CHRM3: variants seen among roughly 807,000 people sequenced by gnomAD.
CHRM3 encodes cholinergic receptor muscarinic 3.
Under a neutral mutation model 41.8 loss-of-function variants are expected in CHRM3, and 11 were observed. The ratio of observed to expected loss-of-function variants is 0.26; its 90% CI spans 0.17 to 0.44. CHRM3 has a LOEUF of 0.44. Among genes scored for constraint, CHRM3 ranks in the 20% least tolerant of loss-of-function variants. The pLI is 1.00. For missense variants in CHRM3, 571 were observed against 745.4 expected (o/e 0.77, Z 2.72); for synonymous variants, 297 against 301.4 (o/e 0.99, Z 0.15).
At chr1:239,862,329 C>T (rs1675707596) in intron 6 of CHRM3, among the ~76,000 whole-genome samples, 1 of 152,162 alleles carries the variant, frequency 6.6e-6, no homozygotes, top group Non-Finnish European at 1.5e-5. Context: ...ATCCCTGCAG[C>T]TTAACTTCTT....
At chr1:239,645,038 C>G (rs1393605789) in intron 4 of CHRM3, among the ~76,000 whole-genome samples, 1 of 152,216 alleles carries the variant, frequency 6.6e-6, no homozygotes, top group Admixed American at 6.5e-5. Flanking sequence ...GCTCACAGCC[C>G]CTTGTCTGTG....
At chr1:239,508,117 A>G (rs1668691637) in intron 2 of CHRM3, among the ~76,000 whole-genome samples, 1 of 152,212 alleles carries the variant, frequency 6.6e-6, no homozygotes, top group Admixed American at 6.5e-5. Context: ...AATGACTAGT[A>G]ATTATATTCA....
intron 1 of CHRM3, among the ~76,000 whole-genome samples, chr1:239,446,157 G>A (rs763400956): frequency 2.6e-5 from 4 of 152,114 alleles, no homozygotes; most frequent in Admixed American, 6.6e-5. Context: ...GGATGGTCTT[G>A]ATCTCCTGAC....
At chr1:239,864,168 G>A (rs1166541973) in intron 6 of CHRM3, among the ~76,000 whole-genome samples, 1 of 151,818 alleles carries the variant, frequency 6.6e-6, no homozygotes, top group African/African-American at 2.4e-5. Context: ...TAGTCCAGGA[G>A]GCAACATAGC....
chr1:239,619,558 A>T lies in CHRM3; in HGVS notation c.-312-12666A>T, dbSNP rs138234077. ...TTCCAAAGTGTAATTGATGAGAATGATGGCCCAATTATGGAGAGATATTGG... is the reference window on the plus strand; with the variant it reads ...TTCCAAAGTGTAATTGATGAGAATGTTGGCCCAATTATGGAGAGATATTGG... On this transcript the variant is annotated intron_variant, in intron 3 of 6. Coordinates refer to ENST00000676153, the MANE Select transcript of CHRM3 (RefSeq NM_001375978.1). Among the ~76,000 whole-genome samples, 511 of 152,328 alleles carry T rather than the reference A, an allele frequency of 3.4e-3. 3 individuals carry two copies. Among genetic ancestry groups the T allele is most frequent in the Middle Eastern group, 6.8e-3 (2 of 294 alleles).
chr1:239,654,026 A>G (rs1261333121), intron 4 of CHRM3, among the ~76,000 whole-genome samples: 1 of 152,182 alleles, frequency 6.6e-6, no homozygotes, highest in East Asian at 1.9e-4. Flanking sequence ...CAGTGGCACG[A>G]TCACAGCTCT....
chr1:239,618,643 G>C lies in CHRM3; in HGVS notation c.-312-13581G>C, dbSNP rs532268427. Among the ~76,000 whole-genome samples the C allele has an allele frequency of 5.3e-5, 8 of 151,568 alleles. No homozygotes were observed. The Middle Eastern group carries it at 0.01, about 196-fold the overall frequency. On this transcript the variant is annotated intron_variant, in intron 3 of 6. Coordinates refer to ENST00000676153, the MANE Select transcript of CHRM3 (RefSeq NM_001375978.1). The stretch of plus-strand genomic sequence containing the variant: ...TCGGATCACGAGGTCAGGAGATCGA[G>C]ACCATCCTGGCTAACACGGTGAAAC...
chr1:239,613,894 C>T (rs938757080), intron 3 of CHRM3, among the ~76,000 whole-genome samples: 6 of 152,166 alleles, frequency 3.9e-5, no homozygotes, highest in African/African-American at 1.4e-4. Context: ...GTGGCTTACA[C>T]TTGTAATCCC....
rs145738731 is a variant in CHRM3 at position 239,687,957 on chromosome 1, C to T, written c.-147+9669C>T. On this transcript the variant is annotated intron_variant, in intron 5 of 6. Coordinates refer to ENST00000676153, the MANE Select transcript of CHRM3 (RefSeq NM_001375978.1). ...CACATTTCTTAGAACATGTTAATGT[C>T]GCTAAGTGATGCATGGATGTATGTT... Among the ~76,000 whole-genome samples the T allele has an allele frequency of 3.5e-4, 53 of 152,084 alleles. No homozygotes were observed. The East Asian group carries it at 0.01, about 29-fold the overall frequency.
intron 6 of CHRM3, among the ~76,000 whole-genome samples, chr1:239,897,140 T>C (rs1371148480): frequency 6.6e-6 from 1 of 152,136 alleles, no homozygotes; most frequent in Non-Finnish European, 1.5e-5. Flanking sequence ...CTATGGCAGG[T>C]TGTTAGGCGT....
At chr1:239,837,937 G>C (rs1053686353) in intron 6 of CHRM3, among the ~76,000 whole-genome samples, 51 of 152,170 alleles carry the variant, frequency 3.4e-4, no homozygotes, top group African/African-American at 1.2e-3. Context: ...ATTGTAGTTA[G>C]GAAGATAAAT....
rs553347258 is a variant in CHRM3, at chr1:239,639,331, T to C, written c.-250+7045T>C. On this transcript the variant is annotated intron_variant, in intron 4 of 6. Coordinates refer to ENST00000676153, the MANE Select transcript of CHRM3 (RefSeq NM_001375978.1). ...CATTGGTAGCTTGATAGGGATGGCATTGAATCTATAAATTACCTTGGACAG... is the reference window on the plus strand; with the variant it reads ...CATTGGTAGCTTGATAGGGATGGCACTGAATCTATAAATTACCTTGGACAG... Among the ~76,000 whole-genome samples, 5 of 152,352 alleles carry C rather than the reference T, an allele frequency of 3.3e-5. No individual in the cohort carries two copies. The East Asian group carries it at 7.7e-4, about 23-fold the overall frequency.
At chr1:239,527,078 T>G (rs1670043673) in intron 2 of CHRM3, among the ~76,000 whole-genome samples, 1 of 152,112 alleles carries the variant, frequency 6.6e-6, no homozygotes, top group African/African-American at 2.4e-5. Flanking sequence ...TGAGCCATGA[T>G]CACGCCACTG....
In CHRM3 at chr1:239,519,741, C is replaced by CTTTTTT. The variant is rs386370161; in HGVS notation, c.-421-25881_-421-25876dup. On this transcript the variant is annotated intron_variant, in intron 2 of 6. Transcript: ENST00000676153. ...ATTTTCACGTGGTTAAAAACTAGTT[C>CTTTTTT]TTTTTTTTTTTTTTTTTTTTTTTTG... is the stretch of plus-strand genomic sequence containing the variant. 4.8e-3 allele frequency among the ~76,000 whole-genome samples: 404 copies of CTTTTTT among 85,048 alleles called. 11 individuals carry two copies. Among genetic ancestry groups the CTTTTTT allele is most frequent in the Non-Finnish European group, 5.4e-3 (261 of 48,044 alleles). The allele number at this position is 85,048 out of a possible 152,430, so 55.8% of individuals were successfully genotyped here.
At chr1:239,843,931 C>A (rs540208830) in intron 6 of CHRM3, among the ~76,000 whole-genome samples, 1 of 151,924 alleles carries the variant, frequency 6.6e-6, no homozygotes, top group Admixed American at 6.6e-5. Context: ...TACATACATA[C>A]GTGTCTATAT....
chr1:239,784,332 C>CT lies in CHRM3; in HGVS notation c.-146-42917dup, dbSNP rs1668729565. ...CTTATTTTTATTTTTCCTTTTTCTACTTTCAGTCATTTTAATTGAACATTC... is the reference window on the plus strand; with the variant it reads ...CTTATTTTTATTTTTCCTTTTTCTACTTTTCAGTCATTTTAATTGAACATTC... On this transcript the variant is annotated intron_variant, in intron 5 of 6. Coordinates refer to ENST00000676153, the MANE Select transcript of CHRM3 (RefSeq NM_001375978.1). Among the ~76,000 whole-genome samples, 6 of 152,136 alleles carry CT rather than the reference C, an allele frequency of 3.9e-5. No individual in the cohort carries two copies. In the East Asian group the frequency reaches 1.2e-3, roughly 29 times the overall value.
chr1:239,552,214 TTATATATGTATAGATGATATGTATCA>T (rs201421095), intron 3 of CHRM3, among the ~76,000 whole-genome samples: 49,044 of 142,244 alleles, frequency 0.34, 11,086 homozygotes, highest in East Asian at 0.56. Flanking sequence ...GTATCGTATA[TTATATATGTATAGATGATATGTATCA>T]TATATATGTA....
At chr1:239,438,234 T>A (rs1018268426) in intron 1 of CHRM3, among the ~76,000 whole-genome samples, 1 of 152,222 alleles carries the variant, frequency 6.6e-6, no homozygotes, top group Admixed American at 6.5e-5. Context: ...TAAGAAAGAT[T>A]TACTCTATAA....
intron 6 of CHRM3, among the ~76,000 whole-genome samples, chr1:239,885,878 T>C (rs889859293): frequency 1.2e-4 from 19 of 152,182 alleles, no homozygotes; most frequent in Admixed American, 3.9e-4. Flanking sequence ...TAGGTCATTC[T>C]CCTTGTCTGA....
Sources: allele counts gnomAD v4.1 joint callset (sites outside exome capture counted in the v4.1 genomes callset), GRCh38; gene constraint gnomAD v4.1.1; transcripts MANE v1.5; gene names NCBI Gene and HGNC (gene_info 2026-07-23, HGNC 2026-07-21).